Variants in SSBP2 observed in about 807,000 individuals in gnomAD.
SSBP2 encodes single-stranded DNA-binding protein 2.
In SSBP2, 17 loss-of-function variants were observed where a neutral mutation model predicts 61.8. That is an observed-to-expected ratio of 0.28 (90% confidence interval 0.19 to 0.41). SSBP2 has a LOEUF of 0.41. Ranked by LOEUF, SSBP2 falls within the 10% of genes least tolerant of loss-of-function variation. The pLI is 1.00. For synonymous variants in SSBP2, 139 were observed against 141.3 expected (o/e 0.98, Z 0.12); for missense variants, 310 against 458.7 (o/e 0.68, Z 2.96).
At chr5:81,455,311 T>C (rs1764061295) in intron 10 of SSBP2, among the ~76,000 whole-genome samples, 1 of 152,152 alleles carries the variant, frequency 6.6e-6, no homozygotes, top group African/African-American at 2.4e-5. Flanking sequence ...ACTCTTACCT[T>C]CTCTTTATCC....
rs141542946 is a variant in SSBP2 at position 81,709,189 on chromosome 5, A to G, written c.62+41792T>C. ...CTCAATGGATAATTGAGTCGACACT[A>G]TTAAAGTCTGGGAGTTTTAAAGGCA... On this transcript the variant is annotated intron_variant, in intron 1 of 16. Transcript: ENST00000320672. Among the ~76,000 whole-genome samples, 589 of 152,150 alleles carry G rather than the reference A, an allele frequency of 3.9e-3. 2 individuals are homozygous for G. The highest frequency in any genetic ancestry group is 0.013 in the African/African-American group (533 of 41,564).
At chr5:81,447,249 A>T (rs1580708037) in intron 11 of SSBP2, among the ~76,000 whole-genome samples, 1 of 152,212 alleles carries the variant, frequency 6.6e-6, no homozygotes, top group South Asian at 2.1e-4. Context: ...AATAATTCAT[A>T]TGTATTTTTA....
chr5:81,650,196 AATT>A, intron 2 of SSBP2, 68 bp downstream of exon 2: 1 of 1,111,674 alleles, frequency 9.0e-7, no homozygotes, highest in Non-Finnish European at 1.3e-6. Flanking sequence ...TTTTTCAAAT[AATT>A]ATTATAGTGT....
chr5:81,735,628 A>G (rs959101613), intron 1 of SSBP2, among the ~76,000 whole-genome samples: 5 of 152,194 alleles, frequency 3.3e-5, no homozygotes, highest in Non-Finnish European at 7.3e-5. Flanking sequence ...TGATTTTCGA[A>G]TATTTTTAAT....
At chr5:81,478,691 G>A (rs961212073) in intron 6 of SSBP2, among the ~76,000 whole-genome samples, 6 of 152,082 alleles carry the variant, frequency 3.9e-5, no homozygotes, top group Non-Finnish European at 5.9e-5. Flanking sequence ...GGCAGGTCTT[G>A]AACTCCTAGC....
chr5:81,587,646 C>T (rs753869343), intron 4 of SSBP2, among the ~76,000 whole-genome samples: 3 of 152,058 alleles, frequency 2.0e-5, no homozygotes, highest in Non-Finnish European at 1.5e-5. Context: ...AGGGGAATTG[C>T]CTGAGCCCAG....
intron 4 of SSBP2, among the ~76,000 whole-genome samples, chr5:81,561,951 C>T (rs548945724): frequency 1.0e-3 from 159 of 152,272 alleles, no homozygotes; most frequent in African/African-American, 3.5e-3. Flanking sequence ...GTCACTCAGG[C>T]TAGAGCGCAA....
intron 1 of SSBP2, among the ~76,000 whole-genome samples, chr5:81,663,071 T>C (rs917843466): frequency 4.6e-5 from 7 of 152,210 alleles, no homozygotes; most frequent in African/African-American, 7.2e-5. Flanking sequence ...ATTCTTTCTA[T>C]GGTCTAGTTA....
intron 1 of SSBP2, among the ~76,000 whole-genome samples, chr5:81,736,186 ACACTC>A (rs1333427848): frequency 3.9e-5 from 2 of 51,662 alleles, no homozygotes; most frequent in African/African-American, 1.3e-4. Context: ...ACACACACAC[ACACTC>A]TACGGCACTA....
intron 4 of SSBP2, among the ~76,000 whole-genome samples, chr5:81,534,976 C>T (rs1770703263): frequency 6.6e-6 from 1 of 151,998 alleles, no homozygotes; most frequent in African/African-American, 2.4e-5. Flanking sequence ...CACACACACA[C>T]ACACCCCTTA....
Position 81,568,957 on chromosome 5 carries a change from T to C in SSBP2, c.282+46516A>G, listed in dbSNP as rs897275126. Reference sequence around the variant, plus strand: ...GAAGGGAGAGAGGGAGGGAAGTTGGTTGGATTCCTTGAGTGGAGACCTTTC... The same window carrying C: ...GAAGGGAGAGAGGGAGGGAAGTTGGCTGGATTCCTTGAGTGGAGACCTTTC... On this transcript the variant is annotated intron_variant, in intron 4 of 16. Transcript: ENST00000320672. Among the ~76,000 whole-genome samples the C allele has an allele frequency of 3.3e-5, 5 of 152,136 alleles. No homozygotes were observed. The South Asian group carries it at 6.2e-4, about 19-fold the overall frequency.
rs1432804690 is a variant in SSBP2 at position 81,501,262 on chromosome 5, TATATATAC to T, written c.373-11961_373-11954del. Among the ~76,000 whole-genome samples the T allele has an allele frequency of 3.4e-3, 158 of 46,526 alleles. 10 individuals carry two copies. The highest frequency in any genetic ancestry group is 8.8e-3 in the Middle Eastern group (1 of 114). 30.5% of individuals were successfully genotyped at this position (46,526 alleles called of 152,430 possible). A position where few individuals can be genotyped will look rare whatever the true frequency, so the allele number is the denominator to read the frequency against. The stretch of plus-strand genomic sequence containing the variant: ...ATATATATATATATATATATATATA[TATATATAC>T]ACACACACACACATGCACATACACC... On this transcript the variant is annotated intron_variant, in intron 5 of 16. Coordinates refer to ENST00000320672, the MANE Select transcript of SSBP2 (RefSeq NM_012446.5).
intron 4 of SSBP2, among the ~76,000 whole-genome samples, chr5:81,585,921 A>T (rs962278169): frequency 1.3e-5 from 2 of 152,120 alleles, no homozygotes; most frequent in Non-Finnish European, 2.9e-5. Context: ...CTGGCTTCAT[A>T]CACTTAATAT....
At chr5:81,495,786 T>C (rs148577141) in intron 5 of SSBP2, among the ~76,000 whole-genome samples, 13 of 152,326 alleles carry the variant, frequency 8.5e-5, no homozygotes, top group African/African-American at 2.9e-4. Context: ...TCATTATATC[T>C]CAACTTGTAT....
In SSBP2 at chr5:81,415,572, C is replaced by T. The variant is rs1182906244; in HGVS notation, c.*4932G>A. 1 of 151,610 alleles carries T rather than the reference C, an allele frequency of 6.6e-6. No homozygotes were observed. Among genetic ancestry groups the T allele is most frequent in the African/African-American group, 2.4e-5 (1 of 41,216 alleles). The allele number at this position is 151,610 out of a possible 1,614,324, so 9.4% of individuals were successfully genotyped here. Reference sequence around the variant, plus strand: ...GTTGATTGAATCAGGGATGTGGAACCTGTGGATATGGAGGGCCAACTCTAT... The same window carrying T: ...GTTGATTGAATCAGGGATGTGGAACTTGTGGATATGGAGGGCCAACTCTAT... On this transcript the variant is annotated 3_prime_UTR_variant, in exon 17 of 17. Coordinates refer to ENST00000320672, the MANE Select transcript of SSBP2 (RefSeq NM_012446.5).
chr5:81,637,611 ATCT>A (rs1470966421), intron 2 of SSBP2, among the ~76,000 whole-genome samples: 2 of 152,202 alleles, frequency 1.3e-5, no homozygotes, highest in African/African-American at 2.4e-5. Flanking sequence ...AGTTACTTAA[ATCT>A]TCTGTGACTC....
chr5:81,589,996 A>T lies in SSBP2; in HGVS notation c.282+25477T>A, dbSNP rs571153120. On this transcript the variant is annotated intron_variant, in intron 4 of 16. Coordinates refer to ENST00000320672, the MANE Select transcript of SSBP2 (RefSeq NM_012446.5). ...CCATCTCCCAACACTGTTGCATTGA[A>T]GATTAAGTTTCCAACACAAACTTTT... Among the ~76,000 whole-genome samples, 73 of 152,252 alleles carry T rather than the reference A, an allele frequency of 4.8e-4. 1 individual carries two copies. Among genetic ancestry groups the T allele is most frequent in the African/African-American group, 1.7e-3 (70 of 41,544 alleles).
At chr5:81,437,358 T>A (rs1287313269) in intron 15 of SSBP2, 72 bp downstream of exon 15, 2 of 1,422,606 alleles carry the variant, frequency 1.4e-6, no homozygotes, top group East Asian at 4.7e-5. Context: ...GTAAATTTAC[T>A]CTAATAATTT....
intron 5 of SSBP2, among the ~76,000 whole-genome samples, chr5:81,513,086 G>A (rs1285657298): frequency 6.6e-6 from 1 of 151,968 alleles, no homozygotes; most frequent in Non-Finnish European, 1.5e-5. Context: ...AAGTGGTCTT[G>A]TTGAAATTTA....
Sources: allele counts gnomAD v4.1 joint callset (sites outside exome capture counted in the v4.1 genomes callset), GRCh38; gene constraint gnomAD v4.1.1; transcripts MANE v1.5; gene names NCBI Gene and HGNC (gene_info 2026-07-23, HGNC 2026-07-21).